Variants in PXDN observed in about 807,000 individuals in gnomAD.
PXDN encodes the protein peroxidasin.
Under a neutral mutation model 140.3 loss-of-function variants are expected in PXDN, and 77 were observed. That is an observed-to-expected ratio of 0.55 (90% CI 0.46 to 0.66). The LOEUF (loss-of-function observed/expected upper bound fraction) is 0.66, where lower values mean the gene tolerates loss of function less well. Among genes scored for constraint, PXDN ranks in the 30% least tolerant of loss-of-function variants. PXDN has a pLI of 0.00. For missense variants in PXDN, 1,838 were observed against 2,039.5 expected (o/e 0.90, Z 1.90); for synonymous variants, 911 against 857.4 (o/e 1.06, Z -1.09).
rs887703776 is a variant in PXDN, at chr2:1,700,143, C to T, written c.201-7009G>A. Among the ~76,000 whole-genome samples the T allele has an allele frequency of 3.9e-5, 6 of 152,256 alleles. No individual in the cohort carries two copies. In the East Asian group the frequency reaches 1.2e-3, roughly 29 times the overall value. On this transcript the variant is annotated intron_variant, in intron 1 of 22. Transcript: ENST00000252804. ...GTGGCGCGATCTCAGGTCACTGCAA[C>T]CACCGCCTCCCGGGTTCAAGCAATT...
At chr2:1,698,883 G>A in intron 1 of PXDN, among the ~76,000 whole-genome samples, 1 of 152,308 alleles carries the variant, frequency 6.6e-6, no homozygotes, top group East Asian at 1.9e-4. Context: ...CTCAAAAACA[G>A]AACACAGATT....
chr2:1,739,337 TG>T (rs1216034896), intron 1 of PXDN, among the ~76,000 whole-genome samples: 2 of 152,144 alleles, frequency 1.3e-5, no homozygotes, highest in Admixed American at 6.5e-5. Flanking sequence ...TCACCCACGC[TG>T]GGGAGAAAAC....
intron 4 of PXDN, among the ~76,000 whole-genome samples, chr2:1,684,547 C>A (rs559491195): frequency 1.3e-5 from 2 of 152,318 alleles, no homozygotes; most frequent in South Asian, 2.1e-4. Flanking sequence ...TCCCTCAAAT[C>A]TTTTAACTCG....
At chr2:1,642,813 C>T (rs893829076) in intron 19 of PXDN, among the ~76,000 whole-genome samples, 1 of 152,222 alleles carries the variant, frequency 6.6e-6, no homozygotes, top group East Asian at 1.9e-4. Flanking sequence ...GGCACGAGTG[C>T]CGGGGCTGTG....
At chr2:1,683,840 C>A (rs1683980320) in intron 5 of PXDN, 113 bp from the exon 6 acceptor site, 2 of 925,120 alleles carry the variant, frequency 2.2e-6, no homozygotes, top group Non-Finnish European at 3.2e-6. Flanking sequence ...TCAGTGATTA[C>A]ATTTATTTAA....
chr2:1,649,058 A>T lies in PXDN; in HGVS notation c.2722T>A (p.Ser908Thr). ...YPREQINQLT[S>T]YIDASNVYGS... Reference sequence around the variant, plus strand: ...TACACGTTGGATGCGTCTATGTAGGAGGTGAGCTGGTTGATCTGCTCCCGC... The same window carrying T: ...TACACGTTGGATGCGTCTATGTAGGTGGTGAGCTGGTTGATCTGCTCCCGC... The change falls in exon 17 of 23, where the codon TCC becomes ACC. Residue 908 changes from serine (S) to threonine (T), a missense_variant. By Grantham distance (58) the Ser-to-Thr change is moderately conservative (BLOSUM62 1). This residue lies in a region of PXDN where 850 missense variants were observed against 894.1 expected (regional missense o/e 0.95). Transcript: ENST00000252804. This position sits in a 1 kb window ranked among gnomAD's most constrained non-coding sequence, Gnocchi z 7.1. 6.2e-7 allele frequency: 1 copy of T among 1,612,496 alleles called. No homozygotes were observed. Among genetic ancestry groups the T allele is most frequent in the Non-Finnish European group, 8.5e-7 (1 of 1,179,684 alleles).
intron 14 of PXDN, among the ~76,000 whole-genome samples, chr2:1,654,782 A>G (rs1315374094): frequency 6.6e-6 from 1 of 152,192 alleles, no homozygotes; most frequent in East Asian, 1.9e-4. Flanking sequence ...ATCTTACGCT[A>G]TATGCAACAG....
At chr2:1,700,630 G>A (rs6706411) in intron 1 of PXDN, among the ~76,000 whole-genome samples, 4,992 of 152,124 alleles carry the variant, frequency 0.033, 286 homozygotes, top group African/African-American at 0.11. Flanking sequence ...GCCAGGCACA[G>A]TGGGAGGCGG....
rs571945446 is a variant in PXDN at position 1,644,562 on chromosome 2, G to A, written c.3743+56C>T. On this transcript the variant is annotated intron_variant, in intron 18 of 22. Transcript: ENST00000252804. ...CAACCAGGACAGCTCTTCTCCTCTGGAGTCCCTAAGAAGGTGGCTTAGGAG... is the reference window on the plus strand; with the variant it reads ...CAACCAGGACAGCTCTTCTCCTCTGAAGTCCCTAAGAAGGTGGCTTAGGAG... The A allele has an allele frequency of 1.1e-5, 17 of 1,498,616 alleles. No individual in the cohort carries two copies. In the Admixed American group the frequency reaches 2.5e-4, roughly 22 times the overall value. 92.8% of individuals were successfully genotyped at this position (1,498,616 alleles called of 1,614,324 possible).
chr2:1,663,138 G>C (rs1026295370), intron 12 of PXDN, among the ~76,000 whole-genome samples: 1 of 152,162 alleles, frequency 6.6e-6, no homozygotes, highest in African/African-American at 2.4e-5. Context: ...AAAAGAACAA[G>C]ATGAAGACCA....
At chr2:1,727,652 C>G (rs890475358) in intron 1 of PXDN, among the ~76,000 whole-genome samples, 14 of 152,178 alleles carry the variant, frequency 9.2e-5, no homozygotes, top group Admixed American at 5.2e-4. Context: ...CAGTCTCCAC[C>G]GTGTCACACC....
chr2:1,656,343 C>T (rs748189527), intron 14 of PXDN, among the ~76,000 whole-genome samples: 48 of 152,262 alleles, frequency 3.2e-4, no homozygotes, highest in Non-Finnish European at 5.9e-4. Context: ...CTAACCATCT[C>T]ACCCAATGAC....
chr2:1,710,996 A>G (rs62649808), intron 1 of PXDN, among the ~76,000 whole-genome samples: 8,536 of 20,414 alleles, frequency 0.42, 1,839 homozygotes, highest in Admixed American at 0.5. Context: ...ACCAGCACCC[A>G]CTCCACCAGC....
chr2:1,658,637 C>A (rs1272693636), intron 14 of PXDN, among the ~76,000 whole-genome samples: 1 of 152,114 alleles, frequency 6.6e-6, no homozygotes, highest in Non-Finnish European at 1.5e-5. Flanking sequence ...GACTGGCTCA[C>A]GGTGCTCCTC....
chr2:1,658,795 A>AC (rs1483870041), intron 14 of PXDN, among the ~76,000 whole-genome samples: 4 of 117,348 alleles, frequency 3.4e-5, no homozygotes, highest in Non-Finnish European at 6.9e-5. Context: ...GGACCCCCCC[A>AC]CTCTACTCTC....
chr2:1,676,856 A>G, intron 8 of PXDN, 71 bp downstream of exon 8: 1 of 1,381,810 alleles, frequency 7.2e-7, no homozygotes, highest in African/African-American at 1.4e-5. Flanking sequence ...GTGGGGAGTG[A>G]GGTGTGGTTT....
rs1035393781 is a variant in PXDN, at chr2:1,664,827, G to C, written c.1408+131C>G. On this transcript the variant is annotated intron_variant, in intron 11 of 22. Coordinates refer to ENST00000252804, the MANE Select transcript of PXDN (RefSeq NM_012293.3). Reference sequence around the variant, plus strand: ...ACACCTCTGCGCTTCCCAGTGCCTTGGTCCTGTGGAATCCAGTCCCAGCTC... The same window carrying C: ...ACACCTCTGCGCTTCCCAGTGCCTTCGTCCTGTGGAATCCAGTCCCAGCTC... 6.4e-6 allele frequency: 5 copies of C among 784,148 alleles called. No individual in the cohort carries two copies. In the African/African-American group the frequency reaches 6.9e-5, roughly 11 times the overall value. 48.6% of individuals were successfully genotyped at this position (784,148 alleles called of 1,614,324 possible). A position where few individuals can be genotyped will look rare whatever the true frequency, so the allele number is the denominator to read the frequency against.
intron 22 of PXDN, among the ~76,000 whole-genome samples, chr2:1,634,900 G>A (rs1020501587): frequency 2.0e-5 from 3 of 151,570 alleles, no homozygotes; most frequent in South Asian, 2.1e-4. Flanking sequence ...CCAGCCAGAC[G>A]TCTGTCCATT....
At position 1,687,500 on chromosome 2, in the gene PXDN, C is replaced by T. The variant is rs1306882393; in HGVS notation, c.416+132G>A. ...CCATCCCTGTTTTTCCGTCATCATGCACGTACTCCCCGCACCTCAGGTAGC... is the reference window on the plus strand; with the variant it reads ...CCATCCCTGTTTTTCCGTCATCATGTACGTACTCCCCGCACCTCAGGTAGC... On this transcript the variant is annotated intron_variant, in intron 4 of 22. Transcript: ENST00000252804. The surrounding 1 kb of genome is among the most constrained non-coding windows in gnomAD (Gnocchi z 4.0). 2 of 582,638 alleles carry T rather than the reference C, an allele frequency of 3.4e-6. No individual in the cohort carries two copies. The highest frequency in any genetic ancestry group is 3.8e-5 in the African/African-American group (2 of 53,110). The allele number at this position is 582,638 out of a possible 1,614,324, so 36.1% of individuals were successfully genotyped here. A position where few individuals can be genotyped will look rare whatever the true frequency, so the allele number is the denominator to read the frequency against.
Sources: gnomAD v4.1 joint callset for allele counts (sites outside exome capture counted in the v4.1 genomes callset) on GRCh38, gnomAD v4.1.1 for gene constraint, gnomAD v4.1.1 regional missense constraint, Gnocchi (gnomAD v3.1) non-coding constraint, MANE v1.5 for transcripts, NCBI Gene and HGNC (gene_info 2026-07-23, HGNC 2026-07-21) for gene names.